The following KIF21A variants were observed in gnomAD, a reference collection of about 807,000 sequenced individuals.
KIF21A encodes the protein kinesin family member 21A.
Under a neutral mutation model 202.9 loss-of-function variants are expected in KIF21A, and 114 were observed. The observed-to-expected ratio is 0.56, with a 90% CI of 0.48 to 0.66. KIF21A has a LOEUF of 0.66. Among genes scored for constraint, KIF21A ranks in the 30% least tolerant of loss-of-function variants. The pLI is 0.00. For missense variants in KIF21A, 1,677 were observed against 1,994.9 expected (o/e 0.84, Z 3.04); for synonymous variants, 667 against 670.8 (o/e 0.99, Z 0.09).
Position 39,370,129 on chromosome 12 carries a change from G to A in KIF21A, c.177C>T (p.Ser59=), listed in dbSNP as rs1350231137. The change falls in exon 2 of 38, where the codon TCC becomes TCT. Residue 59 remains serine, a synonymous_variant. Coordinates refer to ENST00000361418, the MANE Select transcript of KIF21A (RefSeq NM_001173464.2). The part of the protein sequence containing the change: ...FTFDYVFDID[S]QQEQIYIQCI... ...ATTGAATGTAGATCTGCTCTTGCTGGGAGTCAATGTCAAATACATAGTCAA... is the reference window on the plus strand; with the variant it reads ...ATTGAATGTAGATCTGCTCTTGCTGAGAGTCAATGTCAAATACATAGTCAA... 6.2e-7 allele frequency: 1 copy of A among 1,612,904 alleles called. No homozygotes were observed. Among genetic ancestry groups the A allele is most frequent in the Admixed American group, 1.7e-5 (1 of 59,900 alleles).
At position 39,351,780 on chromosome 12, in the gene KIF21A, T is replaced by C. The variant is rs1179328833; in HGVS notation, c.1670A>G (p.Lys557Arg). ...KLKRKEKRKK[K>R]RLQKLEESNR... The stretch of plus-strand genomic sequence containing the variant: ...AGTGGTGATTTTATAATCCCACCTT[T>C]TTTTCTTCCTCTTTTCTTTTCTTTT... The change falls in exon 11 of 38, where the codon AAA (lysine) becomes AGA (arginine). Residue 557 changes from lysine to arginine, a missense_variant. By Grantham distance (26) the Lys-to-Arg change is conservative (BLOSUM62 2). Around this residue, in one of 3 missense-constraint regions of KIF21A, gnomAD observed 966 missense variants for 1,180.9 expected, o/e 0.82. Coordinates refer to ENST00000361418, the MANE Select transcript of KIF21A (RefSeq NM_001173464.2). 2 of 1,540,472 alleles carry C rather than the reference T, an allele frequency of 1.3e-6. No individual in the cohort carries two copies. Among genetic ancestry groups the C allele is most frequent in the African/African-American group, 2.7e-5 (2 of 73,336 alleles).
intron 12 of KIF21A, among the ~76,000 whole-genome samples, chr12:39,343,173 C>A (rs1332150897): frequency 6.6e-6 from 1 of 151,992 alleles, no homozygotes; most frequent in Non-Finnish European, 1.5e-5. Flanking sequence ...TCCAGCCTGG[C>A]CAACATAGTG....
intron 37 of KIF21A, among the ~76,000 whole-genome samples, chr12:39,297,163 A>T (rs1031825455): frequency 1.7e-4 from 26 of 152,226 alleles, no homozygotes; most frequent in Non-Finnish European, 2.9e-4. Flanking sequence ...CAAGGAAGCT[A>T]TCAACTGTGA....
chr12:39,328,584 T>A (rs897044554), intron 24 of KIF21A, among the ~76,000 whole-genome samples: 1 of 152,116 alleles, frequency 6.6e-6, no homozygotes. Context: ...AAAATAAGGA[T>A]GTTCTTTAAA....
chr12:39,410,210 G>A (rs1010535037), intron 1 of KIF21A, among the ~76,000 whole-genome samples: 4 of 152,166 alleles, frequency 2.6e-5, no homozygotes, highest in Non-Finnish European at 5.9e-5. Context: ...GAAAAGGAAA[G>A]GAAAGGAATT....
intron 1 of KIF21A, among the ~76,000 whole-genome samples, chr12:39,436,097 A>G (rs2140423914): frequency 6.6e-6 from 1 of 152,262 alleles, no homozygotes; most frequent in African/African-American, 2.4e-5. Context: ...TAAAGTCAAA[A>G]TAATGGGTTG....
chr12:39,390,121 C>T (rs1227192633), intron 1 of KIF21A, among the ~76,000 whole-genome samples: 1 of 152,138 alleles, frequency 6.6e-6, no homozygotes, highest in African/African-American at 2.4e-5. Context: ...ATATATAGCA[C>T]TATGCTTCCC....
chr12:39,328,285 C>T (rs189086763), intron 24 of KIF21A, among the ~76,000 whole-genome samples: 34 of 152,248 alleles, frequency 2.2e-4, no homozygotes, highest in African/African-American at 8.2e-4. Flanking sequence ...CCAGTAAAAC[C>T]CTGGGGCACT....
intron 1 of KIF21A, among the ~76,000 whole-genome samples, chr12:39,388,975 A>G (rs1951148289): frequency 6.6e-6 from 1 of 152,130 alleles, no homozygotes; most frequent in South Asian, 2.1e-4. Context: ...AAATCTGGGA[A>G]TTGTCCAATT....
chr12:39,339,801 T>G (rs1029413128), intron 16 of KIF21A, among the ~76,000 whole-genome samples: 1 of 152,226 alleles, frequency 6.6e-6, no homozygotes, highest in Non-Finnish European at 1.5e-5. Flanking sequence ...GCTTACTGTA[T>G]ATCTGTAATG....
intron 31 of KIF21A, among the ~76,000 whole-genome samples, chr12:39,314,299 T>C (rs1335987629): frequency 1.3e-5 from 2 of 151,740 alleles, no homozygotes; most frequent in Non-Finnish European, 3.0e-5. Flanking sequence ...AAACTAATGC[T>C]CAGTAATTTG....
chr12:39,311,778 G>A, intron 31 of KIF21A: 2 of 538,870 alleles, frequency 3.7e-6, no homozygotes, highest in African/African-American at 1.9e-5. Context: ...ATTCTGCAAA[G>A]AGCAAAGACT....
rs1015969607 is a variant in KIF21A, at chr12:39,322,728, G to A, written c.3611C>T (p.Thr1204Ile). 1.2e-6 allele frequency: 2 copies of A among 1,613,976 alleles called. No homozygotes were observed. The highest frequency in any genetic ancestry group is 1.7e-6 in the Non-Finnish European group (2 of 1,180,008). ...AGAGAGCTCTTTTTCCCTAGCAGAA[G>A]TACCACTTGTCTCTGTATTCATTCC... ...EIGMNTETSG[T>I]SAREKELSPP... Residue 1204 changes from threonine (T) to isoleucine (I), a missense_variant, in exon 27 of 38, where the codon ACT becomes ATT. Around this residue, in one of 3 missense-constraint regions of KIF21A, gnomAD observed 705 missense variants for 791.9 expected, o/e 0.89. Coordinates refer to ENST00000361418, the MANE Select transcript of KIF21A (RefSeq NM_001173464.2).
intron 21 of KIF21A, 41 bp downstream of exon 21, chr12:39,332,173 A>G: frequency 1.3e-6 from 2 of 1,554,014 alleles, no homozygotes; most frequent in Non-Finnish European, 1.8e-6. Flanking sequence ...ATACAAAAGT[A>G]CTTTTCATTA....
At chr12:39,360,210 A>T (rs1036824124) in intron 7 of KIF21A, among the ~76,000 whole-genome samples, 4 of 149,984 alleles carry the variant, frequency 2.7e-5, no homozygotes, top group Admixed American at 1.3e-4. Flanking sequence ...AAATAAAGCT[A>T]AAAAAAAGCT....
intron 2 of KIF21A, 32 bp downstream of exon 2, chr12:39,370,007 T>A: frequency 6.2e-7 from 1 of 1,600,856 alleles, no homozygotes; most frequent in Non-Finnish European, 8.6e-7. Flanking sequence ...TCTGAAAAGT[T>A]TCAACTCCTA....
At chr12:39,380,401 T>C (rs1353487858) in intron 1 of KIF21A, among the ~76,000 whole-genome samples, 2 of 152,252 alleles carry the variant, frequency 1.3e-5, no homozygotes, top group African/African-American at 4.8e-5. Flanking sequence ...ACCCAGTCTC[T>C]TTCCTGGATA....
chr12:39,306,281 G>A (rs1409147057), intron 34 of KIF21A, among the ~76,000 whole-genome samples: 2 of 152,144 alleles, frequency 1.3e-5, no homozygotes, highest in Non-Finnish European at 2.9e-5. Context: ...AAGTGCAAAA[G>A]ATTTTCAAAA....
At chr12:39,369,952 C>T (rs1949843320) in intron 2 of KIF21A, 41 bp from the exon 3 acceptor site, 7 of 1,598,698 alleles carry the variant, frequency 4.4e-6, no homozygotes, top group Admixed American at 1.7e-5. Context: ...TCAACCTTAA[C>T]ATAACCTTAA....
Sources: allele counts gnomAD v4.1 joint callset (sites outside exome capture counted in the v4.1 genomes callset), GRCh38; gene constraint gnomAD v4.1.1; regional missense constraint gnomAD v4.1.1; transcripts MANE v1.5; gene names NCBI Gene and HGNC (gene_info 2026-07-23, HGNC 2026-07-21).